Variants in MKLN1 observed in about 807,000 individuals in gnomAD.
MKLN1 encodes muskelin 1.
MKLN1 carries 18 observed loss-of-function variants against 99.0 expected under a neutral mutation model. The ratio of observed to expected loss-of-function variants is 0.18; its 90% CI spans 0.13 to 0.27. The LOEUF (loss-of-function observed/expected upper bound fraction) is 0.27, where lower values mean the gene tolerates loss of function less well. Among genes scored for constraint, MKLN1 ranks in the 10% least tolerant of loss-of-function variants. The pLI, the probability that MKLN1 is intolerant of heterozygous loss-of-function variation, is 1.00. For synonymous variants in MKLN1, 288 were observed against 293.2 expected (o/e 0.98, Z 0.18); for missense variants, 621 against 875.9 (o/e 0.71, Z 3.67).
chr7:131,376,135 T>TGTAC (rs1793652241), intron 2 of MKLN1, among the ~76,000 whole-genome samples: 1 of 2,572 alleles, frequency 3.9e-4, no homozygotes, highest in African/African-American at 5.9e-4. Context: ...TATATATATA[T>TGTAC]GTATGATGTA....
intron 3 of MKLN1, among the ~76,000 whole-genome samples, chr7:131,280,482 T>C (rs559888869): frequency 2.0e-5 from 3 of 152,360 alleles, no homozygotes; most frequent in South Asian, 4.1e-4. Flanking sequence ...TTCTTGTTAT[T>C]ATAGCCATCC....
At chr7:131,261,963 G>A (rs1014785488) in intron 3 of MKLN1, among the ~76,000 whole-genome samples, 1 of 152,106 alleles carries the variant, frequency 6.6e-6, no homozygotes, top group African/African-American at 2.4e-5. Context: ...ACAAAAAAGA[G>A]AACAGCAGAC....
chr7:131,466,470 T>G (rs774751409), intron 15 of MKLN1, 55 bp downstream of exon 15: 1 of 1,324,150 alleles, frequency 7.6e-7, no homozygotes, highest in Non-Finnish European at 1.0e-6. Context: ...TATATTTCTC[T>G]TGGCAAATTT....
chr7:131,403,563 C>T (rs1163049075), intron 6 of MKLN1, among the ~76,000 whole-genome samples: 2 of 152,130 alleles, frequency 1.3e-5, no homozygotes, highest in African/African-American at 4.8e-5. Flanking sequence ...CTTTGACATG[C>T]CTTCCTCCCT....
At chr7:131,302,243 T>C (rs1798386291) in intron 3 of MKLN1, among the ~76,000 whole-genome samples, 1 of 152,198 alleles carries the variant, frequency 6.6e-6, no homozygotes, top group African/African-American at 2.4e-5. Context: ...AATAACCAGG[T>C]GTACGCCCAG....
In MKLN1 at chr7:131,201,532, C is replaced by T. The variant is rs1336839801; in HGVS notation, c.-296-1325C>T. Among the ~76,000 whole-genome samples the T allele has an allele frequency of 3.9e-5, 6 of 152,202 alleles. No homozygotes were observed. In the East Asian group the frequency reaches 7.7e-4, roughly 20 times the overall value. On this transcript the variant is annotated intron_variant, in intron 2 of 7. Transcript: ENST00000416992. ...TACTACTTCTAGGCACCTTGGTAAACTCATAAAATGAATAAGGTTACTGGG... is the reference window on the plus strand; with the variant it reads ...TACTACTTCTAGGCACCTTGGTAAATTCATAAAATGAATAAGGTTACTGGG...
At chr7:131,337,889 G>C (rs766544978) in intron 1 of MKLN1, among the ~76,000 whole-genome samples, 5 of 151,968 alleles carry the variant, frequency 3.3e-5, no homozygotes, top group Non-Finnish European at 7.4e-5. Context: ...TACAAATTTT[G>C]TATCTATAAT....
chr7:131,114,951 A>G lies in MKLN1; in HGVS notation c.-419+4744A>G, dbSNP rs553243276. 2.7e-4 allele frequency among the ~76,000 whole-genome samples: 41 copies of G among 152,124 alleles called. No individual in the cohort carries two copies. In the South Asian group the frequency reaches 8.3e-3, roughly 31 times the overall value. ...ACTCTGTCTCAAGAAAAAAAAAAAA[A>G]GCAAAGCAAAGAAAAAGAGGACTGA... On this transcript the variant is annotated intron_variant, in intron 1 of 7. Transcript: ENST00000416992.
intron 3 of MKLN1, among the ~76,000 whole-genome samples, chr7:131,295,827 G>A (rs1230760330): frequency 6.7e-6 from 1 of 150,308 alleles, no homozygotes; most frequent in Non-Finnish European, 1.5e-5. Context: ...GGAGGCTGCA[G>A]TGAGTAATGA....
At chr7:131,435,589 C>T (rs1795654891) in intron 9 of MKLN1, among the ~76,000 whole-genome samples, 1 of 151,846 alleles carries the variant, frequency 6.6e-6, no homozygotes, top group African/African-American at 2.4e-5. Context: ...TGTGTAATTC[C>T]TTCAGATTTT....
At chr7:131,387,456 G>A (rs1794067182) in intron 3 of MKLN1, among the ~76,000 whole-genome samples, 194 bp downstream of exon 3, 1 of 151,946 alleles carries the variant, frequency 6.6e-6, no homozygotes, top group Admixed American at 6.6e-5. Flanking sequence ...TTAACCAACA[G>A]ACCCTAGTTA....
chr7:131,300,446 C>T (rs567156350), intron 3 of MKLN1, among the ~76,000 whole-genome samples: 51 of 150,060 alleles, frequency 3.4e-4, no homozygotes, highest in African/African-American at 1.2e-3. Flanking sequence ...TTTTGGAGGC[C>T]GAGGCAGGTG....
At position 131,192,410 on chromosome 7, in the gene MKLN1, TAATATATACAATATATAAATATATAA is replaced by T. The variant is rs1554534834; in HGVS notation, c.-296-10412_-296-10387del. Among the ~76,000 whole-genome samples, 70 of 125,048 alleles carry T rather than the reference TAATATATACAATATATAAATATATAA, an allele frequency of 5.6e-4. No individual in the cohort carries two copies. In the East Asian group the frequency reaches 0.011, roughly 20 times the overall value. The allele number at this position is 125,048 out of a possible 152,430, so 82.0% of individuals were successfully genotyped here. A position where few individuals can be genotyped will look rare whatever the true frequency, so the allele number is the denominator to read the frequency against. On this transcript the variant is annotated intron_variant, in intron 2 of 7. Transcript: ENST00000416992. ...ACAATATATAAATATATAAAATATA[TAATATATACAATATATAAATATATAA>T]AATATATACAATATATAAATATATA...
At chr7:131,329,415 A>T (rs1427954323) in intron 1 of MKLN1, among the ~76,000 whole-genome samples, 2 of 152,220 alleles carry the variant, frequency 1.3e-5, no homozygotes, top group Non-Finnish European at 2.9e-5. Flanking sequence ...TGAGCCAGAT[A>T]AACAGTCCAG....
chr7:131,416,403 T>C (rs1433946192), intron 8 of MKLN1, among the ~76,000 whole-genome samples: 1 of 152,082 alleles, frequency 6.6e-6, no homozygotes, highest in African/African-American at 2.4e-5. Context: ...ATTCAAAGAA[T>C]AGGCAAATGT....
intron 3 of MKLN1, among the ~76,000 whole-genome samples, chr7:131,268,000 G>A (rs920912801): frequency 2.0e-5 from 3 of 151,956 alleles, no homozygotes; most frequent in Non-Finnish European, 4.4e-5. Flanking sequence ...TAATTACCAT[G>A]TTTAACAAAA....
chr7:131,182,049 G>C (rs927080428), intron 2 of MKLN1, among the ~76,000 whole-genome samples: 4 of 152,114 alleles, frequency 2.6e-5, no homozygotes, highest in Non-Finnish European at 5.9e-5. Flanking sequence ...AAGGAGAATT[G>C]CTGGAACCCG....
chr7:131,458,135 G>T lies in MKLN1; in HGVS notation c.1526-5082G>T, dbSNP rs1217618400. On this transcript the variant is annotated intron_variant, in intron 12 of 17. Coordinates refer to ENST00000352689, the MANE Select transcript of MKLN1 (RefSeq NM_013255.5). ...GAGAAAAAGCAGATGACCTGTAAGG[G>T]AACAAGAAGATAGACATTTGACAGT... 2.6e-5 allele frequency among the ~76,000 whole-genome samples: 4 copies of T among 152,098 alleles called. No individual in the cohort carries two copies. The East Asian group carries it at 7.7e-4, about 29-fold the overall frequency.
chr7:131,332,618 TTTA>T (rs1322677001), intron 1 of MKLN1, among the ~76,000 whole-genome samples: 1 of 151,788 alleles, frequency 6.6e-6, no homozygotes, highest in African/African-American at 2.4e-5. Flanking sequence ...TTAAATACTG[TTTA>T]TTATCATTCC....
Sources: gnomAD v4.1 joint callset for allele counts (sites outside exome capture counted in the v4.1 genomes callset) on GRCh38, gnomAD v4.1.1 for gene constraint, MANE v1.5 for transcripts, NCBI Gene and HGNC (gene_info 2026-07-23, HGNC 2026-07-21) for gene names.